Variants in ANKRD18A observed in about 807,000 individuals in gnomAD.
ANKRD18A encodes ankyrin repeat domain 18A.
A neutral mutation model predicts 110.6 loss-of-function variants in ANKRD18A; 72 were observed. The ratio of observed to expected loss-of-function variants is 0.65; its 90% CI spans 0.54 to 0.79. ANKRD18A has a LOEUF of 0.79. ANKRD18A is among the 30% of genes least tolerant of loss of function. ANKRD18A has a pLI of 0.00. For synonymous variants in ANKRD18A, 305 were observed against 410.3 expected, an observed-to-expected ratio of 0.74 and a Z score of 3.10; for missense variants, 934 against 1,163.3, an observed-to-expected ratio of 0.80 and a Z score of 2.87.
chr9:38,607,497 T>G lies in ANKRD18A; in HGVS notation c.741-4A>C. 1 of 1,463,348 alleles carries G rather than the reference T, an allele frequency of 6.8e-7. No individual in the cohort carries two copies. The highest frequency in any genetic ancestry group is 9.1e-7 in the Non-Finnish European group (1 of 1,099,888). 90.6% of individuals were successfully genotyped at this position (1,463,348 alleles called of 1,614,324 possible). A position where few individuals can be genotyped will look rare whatever the true frequency, so the allele number is the denominator to read the frequency against. Reference sequence around the variant, plus strand: ...TTCCAAAATTTGTTGTCGGATGCTATGCATAATAAACGTAATAAAATTAGT... The same window carrying G: ...TTCCAAAATTTGTTGTCGGATGCTAGGCATAATAAACGTAATAAAATTAGT... On this transcript the variant is annotated splice_region_variant and splice_polypyrimidine_tract_variant and intron_variant, in intron 5 of 15. Coordinates refer to ENST00000399703, the MANE Select transcript of ANKRD18A (RefSeq NM_147195.4).
At chr9:38,568,788 C>G (rs1182047833), downstream of ANKRD18A, 1 of 985,268 alleles carries the variant, frequency 1.0e-6, no homozygotes. Flanking sequence ...GTAATGCTGA[C>G]TGCTGCTGGG....
At chr9:38,593,592 G>A (rs1428756671) in intron 10 of ANKRD18A, among the ~76,000 whole-genome samples, 168 bp downstream of exon 10, 2 of 152,136 alleles carry the variant, frequency 1.3e-5, no homozygotes, top group Non-Finnish European at 2.9e-5. Flanking sequence ...CAAAATGGCA[G>A]AACAAGAGCC....
At chr9:38,612,826 A>G (rs1039180585) in intron 3 of ANKRD18A, among the ~76,000 whole-genome samples, 2 of 152,088 alleles carry the variant, frequency 1.3e-5, no homozygotes, top group African/African-American at 4.8e-5. Flanking sequence ...CGTCACTTGC[A>G]TTTTTAAGGG....
At position 38,608,578 on chromosome 9, in the gene ANKRD18A, G is replaced by A. The variant is rs537136581; in HGVS notation, c.741-1085C>T. ...TATAATCTATAACTATATAATAATA[G>A]ATTATATAATCTATAACTATATAGC... On this transcript the variant is annotated intron_variant, in intron 5 of 15. Transcript: ENST00000399703. 1.4e-4 allele frequency among the ~76,000 whole-genome samples: 20 copies of A among 141,310 alleles called. No homozygotes were observed. The South Asian group carries it at 4.2e-3, about 30-fold the overall frequency. 92.7% of individuals were successfully genotyped at this position (141,310 alleles called of 152,430 possible). A position where few individuals can be genotyped will look rare whatever the true frequency, so the allele number is the denominator to read the frequency against.
rs548443572 is a variant in ANKRD18A, at chr9:38,620,178, C to T, written c.108G>A (p.Arg36=). The part of the protein sequence containing the change: ...PGYDIRDWEL[R]KIHRAAIKGD... ...CCTTGATGGCAGCCCTGTGGATCTT[C>T]CGCAGTTCCCAGTCCCGAATGTCGT... The change falls in exon 1 of 16, where the codon CGG becomes CGA. Residue 36 remains arginine, a synonymous_variant. Coordinates refer to ENST00000399703, the MANE Select transcript of ANKRD18A (RefSeq NM_147195.4). 72 of 1,563,186 alleles carry T rather than the reference C, an allele frequency of 4.6e-5. No individual in the cohort carries two copies. The South Asian group carries it at 8.0e-4, about 17-fold the overall frequency.
chr9:38,571,973 T>G lies in ANKRD18A; in HGVS notation c.*72A>C. 6.9e-7 allele frequency: 1 copy of G among 1,443,998 alleles called. No individual in the cohort carries two copies. The highest frequency in any genetic ancestry group is 9.2e-7 in the Non-Finnish European group (1 of 1,091,644). The allele number at this position is 1,443,998 out of a possible 1,614,324, so 89.4% of individuals were successfully genotyped here. A position where few individuals can be genotyped will look rare whatever the true frequency, so the allele number is the denominator to read the frequency against. On this transcript the variant is annotated 3_prime_UTR_variant, in exon 16 of 16. Coordinates refer to ENST00000399703, the MANE Select transcript of ANKRD18A (RefSeq NM_147195.4). ...AATCATACAACTTTTCCTTAAGATT[T>G]TATGGTTAATCTCTTCATTAGATGT...
chr9:38,605,461 A>C (rs2118840406), intron 6 of ANKRD18A, among the ~76,000 whole-genome samples: 1 of 152,308 alleles, frequency 6.6e-6, no homozygotes, highest in South Asian at 2.1e-4. Context: ...TTATGTACTA[A>C]GTTAACGGTG....
At position 38,595,921 on chromosome 9, in the gene ANKRD18A, A is replaced by G. The variant is rs1182002379; in HGVS notation, c.1419T>C (p.Thr473=). ...TCACCCGAGCTTTATGGACCTGTTCAGTAAGCAACTCATTCTTATCTGTTA... is the reference window on the plus strand; with the variant it reads ...TCACCCGAGCTTTATGGACCTGTTCGGTAAGCAACTCATTCTTATCTGTTA... ...SQLTDKNELL[T]EQVHKARVKF... Residue 473 remains threonine, a synonymous_variant, in exon 9 of 16, where the codon ACT becomes ACC. Transcript: ENST00000399703. 5.8e-6 allele frequency: 9 copies of G among 1,550,994 alleles called. No homozygotes were observed. Among genetic ancestry groups the G allele is most frequent in the Non-Finnish European group, 7.0e-6 (8 of 1,146,654 alleles).
At chr9:38,605,745 T>C (rs1289292450) in intron 6 of ANKRD18A, among the ~76,000 whole-genome samples, 1 of 151,998 alleles carries the variant, frequency 6.6e-6, no homozygotes. Flanking sequence ...TCCAGAGTAG[T>C]TGGGAATACA....
chr9:38,613,096 T>TA (rs1271678557), intron 3 of ANKRD18A, among the ~76,000 whole-genome samples: 3 of 152,104 alleles, frequency 2.0e-5, no homozygotes, highest in African/African-American at 4.8e-5. Context: ...AAATATATTA[T>TA]AAAAAAGGAG....
chr9:38,579,654 G>T (rs1419606665), intron 12 of ANKRD18A, among the ~76,000 whole-genome samples: 1 of 152,110 alleles, frequency 6.6e-6, no homozygotes, highest in African/African-American at 2.4e-5. Flanking sequence ...TTCAATAAAT[G>T]GCTATCACAG....
chr9:38,607,038 G>A (rs1187934497), intron 6 of ANKRD18A, among the ~76,000 whole-genome samples: 1 of 151,888 alleles, frequency 6.6e-6, no homozygotes, highest in African/African-American at 2.4e-5. Context: ...GCTCTTTTAT[G>A]ATTAAAAATA....
Position 38,610,287 on chromosome 9 carries a change from A to T in ANKRD18A, c.726T>A (p.Cys242Ter), listed in dbSNP as rs748092480. The part of the protein sequence containing the change: ...FGQTAEDYAL[C>*]SDLRSIRQQI... ...TAAGCACATACCTTCTCAAATCAGA[A>T]CAAAGAGCATAATCCTCGGCAGTTT... is the stretch of plus-strand genomic sequence containing the variant. The change falls in exon 5 of 16, where the codon TGT (cysteine) becomes TGA (stop). Residue 242 changes from cysteine (C) to a stop codon, truncating the protein, a stop_gained. Coordinates refer to ENST00000399703, the MANE Select transcript of ANKRD18A (RefSeq NM_147195.4). LOFTEE classifies it high-confidence loss of function. 26 of 1,545,292 alleles carry T rather than the reference A, an allele frequency of 1.7e-5. No homozygotes were observed. Among genetic ancestry groups the T allele is most frequent in the Non-Finnish European group, 2.2e-5 (25 of 1,145,148 alleles).
At chr9:38,617,128 C>T (rs562546375) in intron 1 of ANKRD18A, among the ~76,000 whole-genome samples, 1 of 152,224 alleles carries the variant, frequency 6.6e-6, no homozygotes, top group Non-Finnish European at 1.5e-5. Context: ...AAACAAATTA[C>T]TTCTTACTTT....
At chr9:38,612,128 C>A (rs1314132548) in intron 3 of ANKRD18A, among the ~76,000 whole-genome samples, 1 of 152,110 alleles carries the variant, frequency 6.6e-6, no homozygotes, top group African/African-American at 2.4e-5. Context: ...GCTTCAAATG[C>A]ACTTATTTTC....
intron 11 of ANKRD18A, among the ~76,000 whole-genome samples, chr9:38,588,189 T>C (rs1224817289): frequency 6.6e-6 from 1 of 152,188 alleles, no homozygotes; most frequent in African/African-American, 2.4e-5. Flanking sequence ...ATTTTTAATA[T>C]AAATTTTTTC....
chr9:38,566,670 G>C (rs1823490959), downstream of ANKRD18A: 1 of 152,168 alleles, frequency 6.6e-6, no homozygotes, highest in Non-Finnish European at 1.5e-5. Context: ...GGTTTAATTG[G>C]CTCACGGTTC....
intron 15 of ANKRD18A, among the ~76,000 whole-genome samples, chr9:38,575,093 C>CA (rs60228502): frequency 0.091 from 11,531 of 127,278 alleles, 1,018 homozygotes; most frequent in African/African-American, 0.23. Flanking sequence ...GACACCATCT[C>CA]AAAAAAAAAA....
At chr9:38,596,435 A>G in intron 8 of ANKRD18A, 32 bp from the exon 9 acceptor site, 1 of 1,392,256 alleles carries the variant, frequency 7.2e-7, no homozygotes, top group South Asian at 1.7e-5. Flanking sequence ...TTTAGTTAGC[A>G]CTCAATAAAA....
Sources: gnomAD v4.1 joint callset for allele counts (sites outside exome capture counted in the v4.1 genomes callset) on GRCh38, gnomAD v4.1.1 for gene constraint, MANE v1.5 for transcripts, NCBI Gene and HGNC (gene_info 2026-07-23, HGNC 2026-07-21) for gene names.